PPIL6: variants seen among roughly 807,000 people sequenced by gnomAD.
PPIL6 encodes peptidylprolyl isomerase like 6.
In PPIL6, 39 loss-of-function variants were observed where a neutral mutation model predicts 36.8. The observed-to-expected ratio is 1.06, with a 90% CI of 0.82 to 1.38. The LOEUF (loss-of-function observed/expected upper bound fraction) is 1.38, where lower values mean the gene tolerates loss of function less well. PPIL6 is among the 40% of genes most tolerant of loss of function. PPIL6 has a pLI of 0.00. For synonymous variants in PPIL6, 123 were observed against 134.1 expected (o/e 0.92, Z 0.57); for missense variants, 368 against 379.1 (o/e 0.97, Z 0.24).
intron 5 of PPIL6, among the ~76,000 whole-genome samples, chr6:109,420,338 A>G (rs955714674): frequency 7.0e-6 from 1 of 141,992 alleles, no homozygotes. Flanking sequence ...ATCTCAAAAA[A>G]AAAAAAAAAA....
upstream of PPIL6, chr6:109,441,009 C>A (rs960094391): frequency 8.2e-6 from 9 of 1,093,762 alleles, no homozygotes; most frequent in African/African-American, 1.3e-4. Context: ...CCTGTGCGCG[C>A]CGCCTGCGAA....
At chr6:109,437,713 C>A (rs550090506) in intron 1 of PPIL6, among the ~76,000 whole-genome samples, 1 of 152,048 alleles carries the variant, frequency 6.6e-6, no homozygotes, top group Admixed American at 6.6e-5. Flanking sequence ...CGCCACCACG[C>A]CCAGCTAATT....
chr6:109,423,086 GCTGGGCACGGT>G (rs1206771629), intron 5 of PPIL6, among the ~76,000 whole-genome samples: 2 of 152,150 alleles, frequency 1.3e-5, no homozygotes, highest in African/African-American at 4.8e-5. Flanking sequence ...TATGAGTTCA[GCTGGGCACGGT>G]GGCTCATGCC....
intron 5 of PPIL6, among the ~76,000 whole-genome samples, chr6:109,421,331 T>C (rs1050537394): frequency 1.3e-5 from 2 of 152,262 alleles, no homozygotes; most frequent in African/African-American, 4.8e-5. Flanking sequence ...TGCCAAATAG[T>C]GGTTAAAAGC....
chr6:109,436,323 A>G (rs9487109), intron 1 of PPIL6, 124 bp from the exon 2 acceptor site: 47,172 of 620,086 alleles, frequency 0.076, 2,134 homozygotes, highest in South Asian at 0.14. Flanking sequence ...ATGCAGTCCG[A>G]CTGAGATATT....
chr6:109,434,440 GGT>G (rs1365778187), intron 2 of PPIL6, among the ~76,000 whole-genome samples: 1 of 151,796 alleles, frequency 6.6e-6, no homozygotes, highest in Non-Finnish European at 1.5e-5. Context: ...TGTGTGTGTG[GGT>G]GTGTGTGTGT....
chr6:109,430,537 C>T (rs1402558530), intron 3 of PPIL6, among the ~76,000 whole-genome samples: 8 of 152,110 alleles, frequency 5.3e-5, no homozygotes, highest in South Asian at 2.1e-4. Flanking sequence ...AGTGATTCTC[C>T]TGCTTCAGCC....
chr6:109,400,584 G>A (rs921474241), intron 6 of PPIL6, among the ~76,000 whole-genome samples: 25 of 152,002 alleles, frequency 1.6e-4, no homozygotes, highest in African/African-American at 5.8e-4. Context: ...CCTTTCCCCC[G>A]AACCCCCCAA....
intron 2 of PPIL6, among the ~76,000 whole-genome samples, chr6:109,432,574 C>T (rs1774216171): frequency 6.6e-6 from 1 of 152,006 alleles, no homozygotes; most frequent in Non-Finnish European, 1.5e-5. Flanking sequence ...ATCTGAGTCC[C>T]CTCTCCCTTT....
At chr6:109,405,338 G>A (rs2115209711) in intron 6 of PPIL6, among the ~76,000 whole-genome samples, 1 of 152,190 alleles carries the variant, frequency 6.6e-6, no homozygotes, top group East Asian at 1.9e-4. Context: ...CTATAGTTTA[G>A]TCTTTCCCAT....
intron 2 of PPIL6, among the ~76,000 whole-genome samples, chr6:109,434,690 T>A (rs926993789): frequency 2.6e-5 from 4 of 151,996 alleles, no homozygotes; most frequent in African/African-American, 9.7e-5. Context: ...CACAGAACAA[T>A]CGAAACTGCT....
chr6:109,390,930 C>A lies in PPIL6; in HGVS notation c.*1896G>T, dbSNP rs1306229714. ...CCTCATATCCATTAGAAGCCTGCCTCTTTAAGACTGATGTAAATAGAGATT... is the reference window on the plus strand; with the variant it reads ...CCTCATATCCATTAGAAGCCTGCCTATTTAAGACTGATGTAAATAGAGATT... On this transcript the variant is annotated 3_prime_UTR_variant, in exon 8 of 8. Transcript: ENST00000521072. The A allele has an allele frequency of 6.6e-6, 1 of 152,172 alleles. No homozygotes were observed. Among genetic ancestry groups the A allele is most frequent in the Non-Finnish European group, 1.5e-5 (1 of 68,026 alleles). The allele number at this position is 152,172 out of a possible 1,614,324, so 9.4% of individuals were successfully genotyped here.
intron 1 of PPIL6, 123 bp from the exon 2 acceptor site, chr6:109,436,322 G>A (rs113551855): frequency 6.4e-6 from 4 of 623,398 alleles, no homozygotes; most frequent in African/African-American, 1.8e-5. Flanking sequence ...CATGCAGTCC[G>A]ACTGAGATAT....
intron 1 of PPIL6, among the ~76,000 whole-genome samples, chr6:109,437,281 G>A (rs1774497695): frequency 6.6e-6 from 1 of 152,196 alleles, no homozygotes; most frequent in Admixed American, 6.5e-5. Context: ...TGCTGCAGGT[G>A]GCACTTCCCT....
At chr6:109,407,253 T>G (rs1339032360) in intron 6 of PPIL6, among the ~76,000 whole-genome samples, 1 of 152,034 alleles carries the variant, frequency 6.6e-6, no homozygotes, top group Non-Finnish European at 1.5e-5. Context: ...TTTTTTTTTT[T>G]TCTTGAGATG....
chr6:109,416,837 C>A (rs763011802), intron 6 of PPIL6, among the ~76,000 whole-genome samples: 3 of 152,114 alleles, frequency 2.0e-5, no homozygotes, highest in Admixed American at 6.6e-5. Context: ...CCATCCTGTG[C>A]CCACATAAAA....
intron 6 of PPIL6, among the ~76,000 whole-genome samples, chr6:109,406,074 G>C (rs1180914489): frequency 2.0e-5 from 3 of 151,808 alleles, no homozygotes; most frequent in African/African-American, 7.3e-5. Context: ...GTCTCAGTCT[G>C]TCACCCAGGA....
chr6:109,436,406 G>A (rs1236677967), intron 1 of PPIL6, among the ~76,000 whole-genome samples: 1 of 152,148 alleles, frequency 6.6e-6, no homozygotes, highest in Non-Finnish European at 1.5e-5. Flanking sequence ...ATTTGTATAA[G>A]TGCCTCGAAG....
chr6:109,410,421 T>C (rs1361617228), intron 6 of PPIL6, among the ~76,000 whole-genome samples: 1 of 152,156 alleles, frequency 6.6e-6, no homozygotes, highest in Non-Finnish European at 1.5e-5. Flanking sequence ...GGAATCATCT[T>C]CATGGCTGCT....
Sources: allele counts gnomAD v4.1 joint callset (sites outside exome capture counted in the v4.1 genomes callset), GRCh38; gene constraint gnomAD v4.1.1; transcripts MANE v1.5; gene names NCBI Gene and HGNC (gene_info 2026-07-23, HGNC 2026-07-21).